Variants in PLCL2 observed in about 807,000 individuals in gnomAD.
PLCL2 encodes inactive phospholipase C-like protein 2.
A neutral mutation model predicts 79.6 loss-of-function variants in PLCL2; 4 were observed. The ratio of observed to expected loss-of-function variants is 0.05; its 90% CI spans 0.02 to 0.11. PLCL2 has a LOEUF of 0.11. PLCL2 is among the 10% of genes least tolerant of loss of function. PLCL2 has a pLI of 1.00. For missense variants in PLCL2, 895 were observed against 1,291.0 expected (o/e 0.69, Z 4.70); for synonymous variants, 484 against 457.7 (o/e 1.06, Z -0.73).
chr3:16,911,018 G>A (rs560722716), intron 1 of PLCL2, among the ~76,000 whole-genome samples: 2 of 152,160 alleles, frequency 1.3e-5, no homozygotes, highest in African/African-American at 2.4e-5. Context: ...TTTGGGAGGC[G>A]AAGGTGGGTG....
intron 1 of PLCL2, among the ~76,000 whole-genome samples, chr3:16,917,491 CT>C (rs1697024329): frequency 6.6e-6 from 1 of 152,168 alleles, no homozygotes; most frequent in East Asian, 1.9e-4. Context: ...CTTCAACTAG[CT>C]GTGGGGATTC....
intron 1 of PLCL2, among the ~76,000 whole-genome samples, chr3:16,983,974 A>G (rs1003163715): frequency 1.3e-5 from 2 of 152,220 alleles, no homozygotes; most frequent in Non-Finnish European, 2.9e-5. Flanking sequence ...TATTATGAAG[A>G]CAATCAAAAT....
chr3:17,009,788 G>C lies in PLCL2; in HGVS notation c.442G>C (p.Glu148Gln), dbSNP rs781512811. The change falls in exon 2 of 6, where the codon GAA becomes CAA. Residue 148 changes from glutamate to glutamine, a missense_variant. Glu to Gln is a conservative substitution (Grantham distance 29). Around this residue, in one of 6 missense-constraint regions of PLCL2, gnomAD observed 129 missense variants for 208.8 expected, o/e 0.62. Transcript: ENST00000615277. This position sits in a 1 kb window ranked among gnomAD's most constrained non-coding sequence, Gnocchi z 4.0. ...DCINSMVEGS[E>Q]LKKVRSNSRI... ...TATTAATTCAATGGTTGAGGGTTCA[G>C]AACTCAAAAAGGTTCGCTCCAACTC... The C allele has an allele frequency of 6.2e-7, 1 of 1,613,898 alleles. No homozygotes were observed. Among genetic ancestry groups the C allele is most frequent in the Admixed American group, 1.7e-5 (1 of 60,020 alleles).
At chr3:16,974,949 G>A (rs1027733839) in intron 1 of PLCL2, among the ~76,000 whole-genome samples, 5 of 152,154 alleles carry the variant, frequency 3.3e-5, no homozygotes, top group Non-Finnish European at 7.4e-5. Flanking sequence ...TTCCTCCGGA[G>A]TCTCCTGCTT....
intron 4 of PLCL2, among the ~76,000 whole-genome samples, chr3:17,051,368 A>G (rs972739901): frequency 6.6e-6 from 1 of 152,214 alleles, no homozygotes; most frequent in East Asian, 1.9e-4. Context: ...TCCATTTTCC[A>G]TTATTATGCA....
chr3:17,049,693 A>G (rs929189672), intron 4 of PLCL2, among the ~76,000 whole-genome samples: 6 of 152,220 alleles, frequency 3.9e-5, no homozygotes, highest in African/African-American at 1.4e-4. Flanking sequence ...CACATAAAAA[A>G]ATGGAAAGAT....
At chr3:17,050,108 C>T (rs559854872) in intron 4 of PLCL2, among the ~76,000 whole-genome samples, 5 of 152,056 alleles carry the variant, frequency 3.3e-5, no homozygotes, top group South Asian at 4.1e-4. Context: ...GTAAATCGTG[C>T]AGGGAAAACG....
chr3:17,003,079 CT>C (rs1291750827), intron 1 of PLCL2, among the ~76,000 whole-genome samples: 1 of 152,176 alleles, frequency 6.6e-6, no homozygotes, highest in Non-Finnish European at 1.5e-5. Context: ...GTTTCAGCAT[CT>C]TCTGAGTCAC....
At chr3:17,026,831 C>T (rs1485152808) in intron 3 of PLCL2, among the ~76,000 whole-genome samples, 2 of 152,028 alleles carry the variant, frequency 1.3e-5, no homozygotes, top group Admixed American at 1.3e-4. Context: ...CACACCACTA[C>T]ACTCCAGTCT....
intron 5 of PLCL2, among the ~76,000 whole-genome samples, chr3:17,073,796 C>T (rs1482393045): frequency 6.6e-6 from 1 of 152,238 alleles, no homozygotes; most frequent in African/African-American, 2.4e-5. Context: ...AGCAACTCCT[C>T]ATGCATTACA....
chr3:16,955,915 A>C (rs1409679604), intron 1 of PLCL2, among the ~76,000 whole-genome samples: 1 of 152,202 alleles, frequency 6.6e-6, no homozygotes, highest in Non-Finnish European at 1.5e-5. Flanking sequence ...TTATCAGCTT[A>C]AGGAGATTTT....
chr3:16,994,370 TA>T (rs992686405), intron 1 of PLCL2, among the ~76,000 whole-genome samples: 5 of 151,002 alleles, frequency 3.3e-5, no homozygotes, highest in African/African-American at 1.2e-4. Context: ...GGCTTTTAAT[TA>T]AAAAAAAATG....
intron 1 of PLCL2, among the ~76,000 whole-genome samples, chr3:16,923,773 C>T (rs1161639529): frequency 6.6e-6 from 1 of 152,112 alleles, no homozygotes; most frequent in Non-Finnish European, 1.5e-5. Flanking sequence ...TAATGGTGTC[C>T]TACCAGTTTC....
At chr3:17,001,928 T>G (rs12233493) in intron 1 of PLCL2, among the ~76,000 whole-genome samples, 45,768 of 151,692 alleles carry the variant, frequency 0.3, 7,262 homozygotes, top group Non-Finnish European at 0.31. Context: ...AATTGATAGA[T>G]CATTTTGGGT....
At chr3:16,993,196 T>C (rs1035922764) in intron 1 of PLCL2, among the ~76,000 whole-genome samples, 1 of 152,226 alleles carries the variant, frequency 6.6e-6, no homozygotes, top group Non-Finnish European at 1.5e-5. Context: ...AGGATGATCA[T>C]ATGTTTCAGT....
intron 5 of PLCL2, among the ~76,000 whole-genome samples, chr3:17,089,211 C>T (rs1466058163): frequency 1.3e-5 from 2 of 152,108 alleles, no homozygotes; most frequent in African/African-American, 4.8e-5. Flanking sequence ...GATGAAGTCA[C>T]ACAGAAGCAT....
intron 3 of PLCL2, among the ~76,000 whole-genome samples, chr3:17,027,746 A>G (rs2064533517): frequency 6.6e-6 from 1 of 152,044 alleles, no homozygotes; most frequent in South Asian, 2.1e-4. Context: ...AGGAAGGAGG[A>G]GACTGTTATC....
At chr3:17,081,968 T>C (rs910914387) in intron 5 of PLCL2, among the ~76,000 whole-genome samples, 6 of 152,214 alleles carry the variant, frequency 3.9e-5, no homozygotes, top group African/African-American at 1.4e-4. Flanking sequence ...AAATGACATT[T>C]GAGTTGTTCA....
At chr3:17,017,967 G>C (rs1330112995) in intron 3 of PLCL2, among the ~76,000 whole-genome samples, 1 of 152,178 alleles carries the variant, frequency 6.6e-6, no homozygotes, top group African/African-American at 2.4e-5. Flanking sequence ...TACAGGACTT[G>C]TGGTGCTCTC....
Sources: allele counts gnomAD v4.1 joint callset (sites outside exome capture counted in the v4.1 genomes callset), GRCh38; gene constraint gnomAD v4.1.1; regional missense constraint gnomAD v4.1.1; non-coding constraint Gnocchi (gnomAD v3.1); transcripts MANE v1.5; gene names NCBI Gene and HGNC (gene_info 2026-07-23, HGNC 2026-07-21).